The following SLC4A1AP variants were observed in gnomAD, a reference collection of about 807,000 sequenced individuals.
The protein encoded by SLC4A1AP is kanadaptin.
Under a neutral mutation model 89.7 loss-of-function variants are expected in SLC4A1AP, and 64 were observed. That is an observed-to-expected ratio of 0.71 (90% CI 0.58 to 0.88). The LOEUF (loss-of-function observed/expected upper bound fraction) is 0.88. Ranked by LOEUF, SLC4A1AP falls within the 40% of genes least tolerant of loss-of-function variation. The probability of loss-of-function intolerance (pLI) is 0.00; values close to 1 mark genes in which losing one functional copy is unlikely to be tolerated. For synonymous variants in SLC4A1AP, 366 were observed against 353.3 expected, an observed-to-expected ratio of 1.04 and a Z score of -0.40; for missense variants, 931 against 965.0, an observed-to-expected ratio of 0.96 and a Z score of 0.47.
chr2:27,692,191 A>T (rs979870660), intron 12 of SLC4A1AP: 2 of 152,170 alleles, frequency 1.3e-5, no homozygotes, highest in African/African-American at 4.8e-5. Flanking sequence ...AGAGGTTTTG[A>T]TAACTTGTGT....
chr2:27,675,530 A>T lies in SLC4A1AP; in HGVS notation c.1346-2A>T. On this transcript the variant is annotated splice_acceptor_variant, in intron 5 of 13. Transcript: ENST00000613058. LOFTEE classifies it high-confidence loss of function. The stretch of plus-strand genomic sequence containing the variant: ...TTTATTCATCATTTTATCTACCTCT[A>T]GTATCTCGGAAAAGGAAAGCCAAGA... 1 of 1,560,524 alleles carries T rather than the reference A, an allele frequency of 6.4e-7. No homozygotes were observed. The highest frequency in any genetic ancestry group is 8.7e-7 in the Non-Finnish European group (1 of 1,152,024).
At chr2:27,691,896 G>A (rs573013597) in intron 12 of SLC4A1AP, 1 of 152,000 alleles carries the variant, frequency 6.6e-6, no homozygotes, top group African/African-American at 2.4e-5. Flanking sequence ...AGCCTCATTT[G>A]GTCTGTTCTT....
chr2:27,693,824 T>C, intron 13 of SLC4A1AP, 70 bp downstream of exon 13: 1 of 1,181,800 alleles, frequency 8.5e-7, no homozygotes. Flanking sequence ...AATATAGATT[T>C]AAGGTTCAAC....
intron 5 of SLC4A1AP, among the ~76,000 whole-genome samples, chr2:27,669,776 C>T (rs532845555): frequency 2.6e-4 from 40 of 152,184 alleles, no homozygotes; most frequent in African/African-American, 7.2e-4. Context: ...CTGCAACTTC[C>T]GTCTCCCAGG....
intron 13 of SLC4A1AP, among the ~76,000 whole-genome samples, 190 bp from the exon 14 acceptor site, chr2:27,694,444 A>G (rs59447034): frequency 0.026 from 4,019 of 152,204 alleles, 167 homozygotes; most frequent in African/African-American, 0.092. Context: ...TGCTTTTTCT[A>G]TGCTAACAAA....
At chr2:27,669,713 T>C (rs893725770) in intron 5 of SLC4A1AP, among the ~76,000 whole-genome samples, 4 of 152,114 alleles carry the variant, frequency 2.6e-5, no homozygotes, top group Non-Finnish European at 5.9e-5. Flanking sequence ...ATTTTTGAGA[T>C]GGAGTCTCAC....
chr2:27,677,368 A>C lies in SLC4A1AP; in HGVS notation c.1576+4A>C. ...AGATTGAAAGCCTCAAGCCAAGGTAAGTTTTTCATCAAATATTTATTAATA... is the reference window on the plus strand; with the variant it reads ...AGATTGAAAGCCTCAAGCCAAGGTACGTTTTTCATCAAATATTTATTAATA... On this transcript the variant is annotated splice_donor_region_variant and intron_variant, in intron 7 of 13. Transcript: ENST00000613058. The C allele has an allele frequency of 6.3e-7, 1 of 1,598,266 alleles. No individual in the cohort carries two copies. Among genetic ancestry groups the C allele is most frequent in the Non-Finnish European group, 8.6e-7 (1 of 1,165,862 alleles).
chr2:27,688,823 C>G, intron 12 of SLC4A1AP, 56 bp downstream of exon 12: 1 of 1,311,240 alleles, frequency 7.6e-7, no homozygotes, highest in Non-Finnish European at 1.1e-6. Context: ...TGGACCACAT[C>G]CAGAAAAGTG....
At chr2:27,665,428 A>G in intron 2 of SLC4A1AP, 133 bp downstream of exon 2, 1 of 635,050 alleles carries the variant, frequency 1.6e-6, no homozygotes, top group Non-Finnish European at 2.5e-6. Flanking sequence ...TTTGCACATG[A>G]GGTAACCAAA....
At chr2:27,694,383 T>G (rs561287981) in intron 13 of SLC4A1AP, among the ~76,000 whole-genome samples, 1 of 152,314 alleles carries the variant, frequency 6.6e-6, no homozygotes, top group South Asian at 2.1e-4. Flanking sequence ...CATCACAGCT[T>G]GAGATTTCTA....
At chr2:27,667,273 G>A (rs1382052201) in exon 3 of SLC4A1AP, 1 of 1,608,712 alleles carries the variant, frequency 6.2e-7, no homozygotes, top group Non-Finnish European at 8.5e-7. Flanking sequence ...TGTAGGAGAA[G>A]ATGCAGTAGA....
chr2:27,665,317 C>G lies in SLC4A1AP; in HGVS notation c.1021+22C>G, dbSNP rs758763288. 27 of 1,560,846 alleles carry G rather than the reference C, an allele frequency of 1.7e-5. No homozygotes were observed. The South Asian group carries it at 3.1e-4, about 18-fold the overall frequency. ...ATGGGTAAGAAATTAAAATTGCTGC[C>G]GGAGGTTAATATTTTAAGTTCATTA... On this transcript the variant is annotated intron_variant, in intron 2 of 13. Coordinates refer to ENST00000613058, the Ensembl canonical transcript of SLC4A1AP.
chr2:27,693,041 A>T (rs1675812815), intron 12 of SLC4A1AP: 1 of 152,100 alleles, frequency 6.6e-6, no homozygotes, highest in African/African-American at 2.4e-5. Flanking sequence ...GGTTCAAGTG[A>T]TTCTCCTGCC....
intron 8 of SLC4A1AP, among the ~76,000 whole-genome samples, chr2:27,678,864 A>T (rs1460175693): frequency 6.6e-6 from 1 of 151,658 alleles, no homozygotes; most frequent in Non-Finnish European, 1.5e-5. Context: ...GACCACACGC[A>T]TGCTCCACCA....
chr2:27,670,101 G>A (rs1404481150), intron 5 of SLC4A1AP, among the ~76,000 whole-genome samples: 1 of 152,106 alleles, frequency 6.6e-6, no homozygotes, highest in African/African-American at 2.4e-5. Flanking sequence ...AACCTCAGGT[G>A]ATCCACCTGC....
chr2:27,675,239 A>C (rs900428015), intron 5 of SLC4A1AP, among the ~76,000 whole-genome samples: 1 of 152,050 alleles, frequency 6.6e-6, no homozygotes, highest in South Asian at 2.1e-4. Flanking sequence ...CACTAACTTC[A>C]TTCTCCCTCC....
chr2:27,674,942 G>A (rs1324910357), intron 5 of SLC4A1AP, among the ~76,000 whole-genome samples: 6 of 151,944 alleles, frequency 3.9e-5, no homozygotes, highest in African/African-American at 7.3e-5. Context: ...GACCTCAGGC[G>A]ATCCATCCCC....
At chr2:27,672,813 C>T (rs539683210) in intron 5 of SLC4A1AP, among the ~76,000 whole-genome samples, 304 of 152,278 alleles carry the variant, frequency 2.0e-3, no homozygotes, top group African/African-American at 7.1e-3. Context: ...TTTTGGTTTT[C>T]CTCGTCTGTG....
exon 10 of SLC4A1AP, chr2:27,685,246 T>A (rs1237186520): frequency 1.2e-6 from 2 of 1,611,936 alleles, no homozygotes; most frequent in Admixed American, 3.4e-5. Flanking sequence ...CTCCCACAGA[T>A]CTCACACATT....
Sources: gnomAD v4.1 joint callset for allele counts (sites outside exome capture counted in the v4.1 genomes callset) on GRCh38, gnomAD v4.1.1 for gene constraint, MANE v1.5 for transcripts, NCBI Gene and HGNC (gene_info 2026-07-23, HGNC 2026-07-21) for gene names.